Variants in CDH18 observed in about 807,000 individuals in gnomAD.
The protein encoded by CDH18 is cadherin 18, also known as cadherin-18.
A neutral mutation model predicts 67.9 loss-of-function variants in CDH18; 31 were observed. That is an observed-to-expected ratio of 0.46 (90% CI 0.34 to 0.62). The LOEUF is 0.62. Among genes scored for constraint, CDH18 ranks in the 20% least tolerant of loss-of-function variants. The probability of loss-of-function intolerance (pLI) is 0.01; values close to 1 mark genes in which losing one functional copy is unlikely to be tolerated. For synonymous variants in CDH18, 362 were observed against 347.2 expected, an observed-to-expected ratio of 1.04 and a Z score of -0.48; for missense variants, 890 against 975.5, an observed-to-expected ratio of 0.91 and a Z score of 1.17.
rs1798373670 is a variant in CDH18 at position 19,975,053 on chromosome 5, AC to A, written c.-257+6006del. Among the ~76,000 whole-genome samples, 3 of 152,192 alleles carry A rather than the reference AC, an allele frequency of 2.0e-5. No homozygotes were observed. In the South Asian group the frequency reaches 6.2e-4, roughly 32 times the overall value. ...AAATGTCATATAAAAAATGATTACT[AC>A]ATGTTGAGGTTCCAGAGAAAACTGG... On this transcript the variant is annotated intron_variant, in intron 2 of 12. Coordinates refer to ENST00000382275, the MANE Select transcript of CDH18 (RefSeq NM_004934.5).
chr5:20,214,273 A>G (rs1230699725), intron 2 of CDH18, among the ~76,000 whole-genome samples: 1 of 152,084 alleles, frequency 6.6e-6, no homozygotes, highest in Non-Finnish European at 1.5e-5. Flanking sequence ...TGTCCAAAAA[A>G]CATTTTATAG....
intron 2 of CDH18, among the ~76,000 whole-genome samples, chr5:20,174,653 A>T (rs1737092409): frequency 6.6e-6 from 1 of 152,192 alleles, no homozygotes; most frequent in Admixed American, 6.6e-5. Context: ...ATATTTCTTA[A>T]CCTTGAAATA....
At chr5:19,896,140 T>G (rs1327448178) in intron 2 of CDH18, among the ~76,000 whole-genome samples, 1 of 152,134 alleles carries the variant, frequency 6.6e-6, no homozygotes, top group Non-Finnish European at 1.5e-5. Context: ...GCAGATCATC[T>G]GACGTCAGGA....
At chr5:20,419,340 C>T (rs1747630254) in intron 1 of CDH18, among the ~76,000 whole-genome samples, 1 of 151,986 alleles carries the variant, frequency 6.6e-6, no homozygotes. Context: ...TAATACACAC[C>T]CTTCACCAGA....
At chr5:20,466,925 G>A (rs1451391755) in intron 1 of CDH18, among the ~76,000 whole-genome samples, 1 of 152,068 alleles carries the variant, frequency 6.6e-6, no homozygotes, top group Admixed American at 6.6e-5. Context: ...AAAATGATCA[G>A]TAAATATCTC....
chr5:20,320,246 A>T (rs1419985272), intron 1 of CDH18, among the ~76,000 whole-genome samples: 1 of 152,162 alleles, frequency 6.6e-6, no homozygotes, highest in Admixed American at 6.5e-5. Flanking sequence ...AGCTACAAAG[A>T]CTTTAAAATT....
At chr5:20,341,924 C>T (rs1740300623) in intron 1 of CDH18, among the ~76,000 whole-genome samples, 1 of 152,048 alleles carries the variant, frequency 6.6e-6, no homozygotes, top group Non-Finnish European at 1.5e-5. Context: ...GACCAAGGAA[C>T]ATAATGAAGC....
intron 5 of CDH18, among the ~76,000 whole-genome samples, chr5:19,707,377 AT>A (rs1376279222): frequency 2.0e-5 from 3 of 152,188 alleles, no homozygotes; most frequent in Non-Finnish European, 4.4e-5. Flanking sequence ...TGCCTAGAGT[AT>A]TCCTTTAACA....
At chr5:19,823,921 G>C (rs1007436413) in intron 3 of CDH18, among the ~76,000 whole-genome samples, 2 of 151,986 alleles carry the variant, frequency 1.3e-5, no homozygotes, top group African/African-American at 4.8e-5. Flanking sequence ...AAAACTAGAT[G>C]ATCTCCCAAA....
intron 3 of CDH18, among the ~76,000 whole-genome samples, chr5:19,814,354 T>C (rs1376807181): frequency 6.7e-6 from 1 of 150,366 alleles, no homozygotes; most frequent in East Asian, 1.9e-4. Flanking sequence ...ATGAATTATG[T>C]CCTAAAAAAA....
intron 1 of CDH18, among the ~76,000 whole-genome samples, chr5:20,318,060 C>T (rs1737637171): frequency 6.6e-6 from 1 of 152,054 alleles, no homozygotes; most frequent in Non-Finnish European, 1.5e-5. Context: ...ACTTGTACAA[C>T]TTTATTGAGC....
At chr5:20,569,620 A>C (rs539954305) in intron 1 of CDH18, among the ~76,000 whole-genome samples, 3 of 152,072 alleles carry the variant, frequency 2.0e-5, no homozygotes, top group Admixed American at 6.5e-5. Context: ...CAAAAACCAC[A>C]ACAACAACAA....
chr5:19,476,642 C>T (rs78587870), intron 12 of CDH18, among the ~76,000 whole-genome samples: 4,639 of 152,038 alleles, frequency 0.031, 265 homozygotes, highest in African/African-American at 0.1. Context: ...AATGAGGAGG[C>T]TGTTCTAGAT....
chr5:20,237,272 G>A (rs558972648), intron 2 of CDH18, among the ~76,000 whole-genome samples: 1 of 151,786 alleles, frequency 6.6e-6, no homozygotes, highest in Non-Finnish European at 1.5e-5. Context: ...AGGAAAAAGC[G>A]GGGTATATTT....
chr5:20,558,573 C>A (rs1703046), intron 1 of CDH18, among the ~76,000 whole-genome samples: 105,431 of 151,826 alleles, frequency 0.69, 36,965 homozygotes, highest in East Asian at 0.98. Context: ...GTAGCTGAAA[C>A]CATAGACAGG....
At chr5:20,483,472 G>A (rs1752959056) in intron 1 of CDH18, among the ~76,000 whole-genome samples, 1 of 151,794 alleles carries the variant, frequency 6.6e-6, no homozygotes, top group South Asian at 2.1e-4. Context: ...GTTAACCTGA[G>A]CAAAATGAAC....
At chr5:19,519,921 C>T (rs1193185377) in intron 10 of CDH18, among the ~76,000 whole-genome samples, 1 of 152,170 alleles carries the variant, frequency 6.6e-6, no homozygotes, top group African/African-American at 2.4e-5. Flanking sequence ...TGATTATAGT[C>T]TTGCGAGACT....
chr5:19,613,506 G>A (rs988818666), intron 5 of CDH18, among the ~76,000 whole-genome samples: 1 of 152,034 alleles, frequency 6.6e-6, no homozygotes, highest in Non-Finnish European at 1.5e-5. Flanking sequence ...AACTGATAAG[G>A]TTTATTCTAT....
intron 1 of CDH18, among the ~76,000 whole-genome samples, chr5:20,431,479 GT>G: frequency 9.4e-6 from 1 of 106,436 alleles, no homozygotes; most frequent in African/African-American, 3.5e-5. Context: ...GGGTGACAGA[GT>G]GAAACTCAAA....
Sources: gnomAD v4.1 joint callset for allele counts (sites outside exome capture counted in the v4.1 genomes callset) on GRCh38, gnomAD v4.1.1 for gene constraint, MANE v1.5 for transcripts, NCBI Gene and HGNC (gene_info 2026-07-23, HGNC 2026-07-21) for gene names.